Variants in FAT3 observed in about 807,000 individuals in gnomAD.
The protein encoded by FAT3 is protocadherin Fat 3.
FAT3 carries 95 observed loss-of-function variants against 310.2 expected under a neutral mutation model. That is an observed-to-expected ratio of 0.31 (90% CI 0.26 to 0.36). The LOEUF (loss-of-function observed/expected upper bound fraction) is 0.36, where lower values mean the gene tolerates loss of function less well. FAT3 is among the 10% of genes least tolerant of loss of function. The probability of loss-of-function intolerance (pLI) is 1.00; values close to 1 mark genes in which losing one functional copy is unlikely to be tolerated. For missense variants in FAT3, 5,408 were observed against 5,715.6 expected (o/e 0.95, Z 1.74); for synonymous variants, 2,314 against 2,192.9 (o/e 1.06, Z -1.54).
intron 1 of FAT3, among the ~76,000 whole-genome samples, chr11:92,274,691 C>T (rs1159059259): frequency 2.0e-5 from 3 of 151,882 alleles, no homozygotes; most frequent in African/African-American, 7.3e-5. Context: ...TCTGTGTTTT[C>T]TTTACTAGTT....
At chr11:92,779,539 C>A (rs528309081) in intron 7 of FAT3, among the ~76,000 whole-genome samples, 150 of 151,942 alleles carry the variant, frequency 9.9e-4, no homozygotes, top group Non-Finnish European at 1.8e-3. Context: ...TTAAAAAAAA[C>A]CCAAGTGTTT....
chr11:92,772,501 C>CT (rs1946484393), intron 6 of FAT3, among the ~76,000 whole-genome samples: 1 of 152,024 alleles, frequency 6.6e-6, no homozygotes, highest in Non-Finnish European at 1.5e-5. Context: ...CCTTTTCAGC[C>CT]TAGACTCCCC....
intron 2 of FAT3, among the ~76,000 whole-genome samples, chr11:92,396,421 C>T (rs570565272): frequency 6.6e-6 from 1 of 152,302 alleles, no homozygotes; most frequent in Non-Finnish European, 1.5e-5. Context: ...TTTACAAGTG[C>T]ATACACTTAC....
chr11:92,823,360 A>G (rs1337769868), intron 13 of FAT3, among the ~76,000 whole-genome samples: 1 of 152,150 alleles, frequency 6.6e-6, no homozygotes, highest in Non-Finnish European at 1.5e-5. Context: ...TAGATAGTTG[A>G]AAAAGTTTAA....
In FAT3 at chr11:92,889,172, CT is replaced by C; in HGVS notation, c.13052-13del. On this transcript the variant is annotated splice_polypyrimidine_tract_variant and intron_variant, in intron 25 of 27. Transcript: ENST00000525166. ...GCTGTCCTTCCCCTACCTCCGACTT[CT>C]TTTCCTGACCACAAGCCTCCATAGT... is the stretch of plus-strand genomic sequence containing the variant. The C allele has an allele frequency of 1.4e-6, 1 of 709,472 alleles. No individual in the cohort carries two copies. The highest frequency in any genetic ancestry group is 2.0e-5 in the Admixed American group (1 of 48,798). The allele number at this position is 709,472 out of a possible 1,614,324, so 43.9% of individuals were successfully genotyped here.
In FAT3 at chr11:92,303,988, T is replaced by C. The variant is rs1591078436; in HGVS notation, c.-17-48108T>C. On this transcript the variant is annotated intron_variant, in intron 1 of 27. Transcript: ENST00000525166. Reference sequence around the variant, plus strand: ...ATGGCCCATGAGATTTGACAACATATTCTGTTTGATATTTTAACGGTTTGA... The same window carrying C: ...ATGGCCCATGAGATTTGACAACATACTCTGTTTGATATTTTAACGGTTTGA... Among the ~76,000 whole-genome samples, 5 of 152,258 alleles carry C rather than the reference T, an allele frequency of 3.3e-5. No homozygotes were observed. The East Asian group carries it at 9.7e-4, about 30-fold the overall frequency.
intron 3 of FAT3, among the ~76,000 whole-genome samples, chr11:92,554,148 T>TTGGTTCAGGGAAGAAAGAAAATGAA (rs1954923694): frequency 6.6e-6 from 1 of 151,750 alleles, no homozygotes; most frequent in African/African-American, 2.4e-5. Context: ...AGGATAGGAT[T>TTGGTTCAGGGAAGAAAGAAAATGAA]TGGTTCAGGG....
chr11:92,438,099 T>C (rs557728822), intron 2 of FAT3, among the ~76,000 whole-genome samples: 1 of 152,256 alleles, frequency 6.6e-6, no homozygotes, highest in African/African-American at 2.4e-5. Flanking sequence ...TTTGCAGATA[T>C]AATGATTAAA....
At chr11:92,628,372 G>A (rs915601851) in intron 3 of FAT3, among the ~76,000 whole-genome samples, 4 of 151,986 alleles carry the variant, frequency 2.6e-5, no homozygotes, top group Admixed American at 6.6e-5. Flanking sequence ...TCTGTTCTTC[G>A]TGTTTTCCTA....
chr11:92,562,731 G>C (rs1160777434), intron 3 of FAT3, among the ~76,000 whole-genome samples: 1 of 152,112 alleles, frequency 6.6e-6, no homozygotes, highest in African/African-American at 2.4e-5. Context: ...GAAGGCCCAA[G>C]AACCATAAAC....
intron 2 of FAT3, among the ~76,000 whole-genome samples, chr11:92,521,462 A>G (rs1315595548): frequency 6.6e-6 from 1 of 152,144 alleles, no homozygotes; most frequent in Non-Finnish European, 1.5e-5. Context: ...ACCATTTAGA[A>G]TGCCTATGGT....
At chr11:92,724,944 C>T (rs1944958928) in intron 4 of FAT3, among the ~76,000 whole-genome samples, 1 of 152,118 alleles carries the variant, frequency 6.6e-6, no homozygotes, top group African/African-American at 2.4e-5. Context: ...TATTTTAATT[C>T]TGGCCATTTG....
chr11:92,301,565 T>C (rs1946998722), intron 1 of FAT3, among the ~76,000 whole-genome samples: 1 of 152,084 alleles, frequency 6.6e-6, no homozygotes. Context: ...GAATGGCAAA[T>C]GGGGGCAGAG....
At position 92,528,342 on chromosome 11, in the gene FAT3, T is replaced by G. The variant is rs530684714; in HGVS notation, c.3607+3394T>G. The stretch of plus-strand genomic sequence containing the variant: ...CAATCAAATGCAGCCTACCCCCATG[T>G]CTGAGGTGGAGATACCATCAGGCCG... On this transcript the variant is annotated intron_variant, in intron 3 of 27. Transcript: ENST00000525166. Among the ~76,000 whole-genome samples, 9 of 152,332 alleles carry G rather than the reference T, an allele frequency of 5.9e-5. No homozygotes were observed. The South Asian group carries it at 1.0e-3, about 18-fold the overall frequency.
chr11:92,560,862 T>G (rs1268831006), intron 3 of FAT3, among the ~76,000 whole-genome samples: 1 of 152,220 alleles, frequency 6.6e-6, no homozygotes, highest in Non-Finnish European at 1.5e-5. Flanking sequence ...ATCCTATACT[T>G]CTTTTCTGTT....
At chr11:92,515,687 ACAGT>A (rs1156285687) in intron 2 of FAT3, among the ~76,000 whole-genome samples, 1 of 152,102 alleles carries the variant, frequency 6.6e-6, no homozygotes, top group Non-Finnish European at 1.5e-5. Flanking sequence ...GGGGATAAAT[ACAGT>A]AACTGCCTCA....
chr11:92,706,171 GTC>G (rs1432767672), intron 4 of FAT3, among the ~76,000 whole-genome samples: 1 of 152,026 alleles, frequency 6.6e-6, no homozygotes, highest in East Asian at 1.9e-4. Flanking sequence ...TTACAGAACT[GTC>G]CAGGTTAGTA....
chr11:92,524,728 C>T lies in FAT3; in HGVS notation c.3387C>T (p.Tyr1129=), dbSNP rs369417529. ...CAGACAGGGGCGTTGTTCCACTCTACTCCACCATTGAGGTCTACATTGAAG... is the reference window on the plus strand; with the variant it reads ...CAGACAGGGGCGTTGTTCCACTCTATTCCACCATTGAGGTCTACATTGAAG... ...YATDRGVVPL[Y]STIEVYIEVE... is the part of the protein sequence containing the mutation. The change falls in exon 3 of 28, where the codon TAC becomes TAT. Residue 1129 remains tyrosine (Y), a synonymous_variant. Coordinates refer to ENST00000525166, the MANE Select transcript of FAT3 (RefSeq NM_001367949.2). 4 of 1,613,738 alleles carry T rather than the reference C, an allele frequency of 2.5e-6. No individual in the cohort carries two copies. Among genetic ancestry groups the T allele is most frequent in the Non-Finnish European group, 3.4e-6 (4 of 1,179,846 alleles).
At chr11:92,470,083 C>A (rs1027648244) in intron 2 of FAT3, among the ~76,000 whole-genome samples, 7 of 152,178 alleles carry the variant, frequency 4.6e-5, no homozygotes, top group Non-Finnish European at 1.0e-4. Context: ...GGTCATGCCA[C>A]ACTGATACTG....
Sources: allele counts gnomAD v4.1 joint callset (sites outside exome capture counted in the v4.1 genomes callset), GRCh38; gene constraint gnomAD v4.1.1; transcripts MANE v1.5; gene names NCBI Gene and HGNC (gene_info 2026-07-23, HGNC 2026-07-21).